STK10: variants seen among roughly 807,000 people sequenced by gnomAD.
STK10 encodes serine/threonine-protein kinase 10.
STK10 carries 78 observed loss-of-function variants against 113.8 expected under a neutral mutation model. The observed-to-expected ratio is 0.69, with a 90% CI of 0.57 to 0.83. The LOEUF (loss-of-function observed/expected upper bound fraction) is 0.83, where lower values mean the gene tolerates loss of function less well. Among genes scored for constraint, STK10 ranks in the 40% least tolerant of loss-of-function variants. The pLI is 0.00. For synonymous variants in STK10, 465 were observed against 494.7 expected (o/e 0.94, Z 0.80); for missense variants, 1,109 against 1,280.1 (o/e 0.87, Z 2.04).
At chr5:172,092,520 G>A (rs1187946489) in intron 9 of STK10, 3 of 152,166 alleles carry the variant, frequency 2.0e-5, no homozygotes, top group Non-Finnish European at 4.4e-5. Flanking sequence ...GTGCATGCTT[G>A]TCCCGGTGGC....
At position 172,137,322 on chromosome 5, in the gene STK10, G is replaced by A. The variant is rs915199363; in HGVS notation, c.322-9901C>T. ...CAAAGATACTCAACAAAATACTTGC[G>A]AATCATATTCAACTATTAAAAGAGA... On this transcript the variant is annotated intron_variant, in intron 2 of 18. Transcript: ENST00000176763. Among the ~76,000 whole-genome samples, 8 of 152,026 alleles carry A rather than the reference G, an allele frequency of 5.3e-5. No homozygotes were observed. The East Asian group carries it at 7.7e-4, about 15-fold the overall frequency.
At chr5:172,157,552 T>A (rs1770376704) in intron 1 of STK10, among the ~76,000 whole-genome samples, 1 of 151,944 alleles carries the variant, frequency 6.6e-6, no homozygotes, top group African/African-American at 2.4e-5. Context: ...TGAGACTCCA[T>A]CCCAAAAGAA....
At chr5:172,073,142 A>ATTAT (rs945303618) in intron 12 of STK10, among the ~76,000 whole-genome samples, 9 of 151,746 alleles carry the variant, frequency 5.9e-5, no homozygotes, top group Non-Finnish European at 8.8e-5. Context: ...CACCCAGCTA[A>ATTAT]TTATTTATTT....
chr5:172,110,402 C>T (rs1285806522), intron 4 of STK10, among the ~76,000 whole-genome samples: 1 of 151,702 alleles, frequency 6.6e-6, no homozygotes, highest in Non-Finnish European at 1.5e-5. Flanking sequence ...TCCTGCCTGA[C>T]ATGCCACATG....
chr5:172,099,666 C>T (rs1032221536), intron 7 of STK10, among the ~76,000 whole-genome samples: 2 of 152,150 alleles, frequency 1.3e-5, no homozygotes, highest in Non-Finnish European at 2.9e-5. Flanking sequence ...AGGTGAGAAC[C>T]AAGATCCCAA....
intron 1 of STK10, among the ~76,000 whole-genome samples, chr5:172,172,250 G>A (rs1581190262): frequency 6.6e-6 from 1 of 152,118 alleles, no homozygotes; most frequent in South Asian, 2.1e-4. Flanking sequence ...CTTCCCCAAC[G>A]TCATCTCCAA....
intron 1 of STK10, among the ~76,000 whole-genome samples, chr5:172,157,517 T>C (rs550337771): frequency 1.2e-4 from 19 of 152,072 alleles, no homozygotes; most frequent in African/African-American, 4.3e-4. Flanking sequence ...GACCACACCA[T>C]TGCACTCCAG....
At chr5:172,161,186 G>A (rs1004408281) in intron 1 of STK10, among the ~76,000 whole-genome samples, 3 of 152,094 alleles carry the variant, frequency 2.0e-5, no homozygotes, top group African/African-American at 4.8e-5. Context: ...GTGTGGTGGC[G>A]CACGCCTGTA....
At chr5:172,177,418 T>C (rs369374003) in intron 1 of STK10, among the ~76,000 whole-genome samples, 1 of 152,336 alleles carries the variant, frequency 6.6e-6, no homozygotes, top group South Asian at 2.1e-4. Flanking sequence ...CCCCAAATGC[T>C]ATTGCAGATC....
intron 2 of STK10, among the ~76,000 whole-genome samples, chr5:172,142,701 A>T (rs1242999183): frequency 6.6e-6 from 1 of 152,262 alleles, no homozygotes; most frequent in Non-Finnish European, 1.5e-5. Context: ...GTACATAGTA[A>T]GTCAATGCTT....
chr5:172,048,598 C>T (rs1433942497), intron 18 of STK10, among the ~76,000 whole-genome samples: 2 of 151,878 alleles, frequency 1.3e-5, no homozygotes, highest in African/African-American at 4.9e-5. Context: ...GACAAATTCC[C>T]CCAACCTCTG....
intron 6 of STK10, among the ~76,000 whole-genome samples, chr5:172,106,401 C>CAGAAAA (rs1475870342): frequency 0.17 from 9,295 of 53,498 alleles, 825 homozygotes; most frequent in East Asian, 0.32. Context: ...GACCCTATCT[C>CAGAAAA]AAAAAAAAAA....
At position 172,138,208 on chromosome 5, in the gene STK10, G is replaced by A. The variant is rs111399404; in HGVS notation, c.322-10787C>T. Among the ~76,000 whole-genome samples, 449 of 152,186 alleles carry A rather than the reference G, an allele frequency of 3.0e-3. 2 individuals are homozygous for A. Among genetic ancestry groups the A allele is most frequent in the African/African-American group, 8.4e-3 (349 of 41,536 alleles). On this transcript the variant is annotated intron_variant, in intron 2 of 18. Coordinates refer to ENST00000176763, the MANE Select transcript of STK10 (RefSeq NM_005990.4). ...ACAATCTTGGCTCACTGCAACTTCC[G>A]CCTCCCGGGTTCAAGCAATTCTCCT... is the stretch of plus-strand genomic sequence containing the variant.
intron 17 of STK10, among the ~76,000 whole-genome samples, chr5:172,054,218 G>A (rs1767695154): frequency 6.6e-6 from 1 of 152,154 alleles, no homozygotes; most frequent in Non-Finnish European, 1.5e-5. Flanking sequence ...AAGGGGCTCG[G>A]CCACACCCCA....
At chr5:172,054,833 G>T in intron 16 of STK10, 139 bp from the exon 17 acceptor site, 2 of 1,273,214 alleles carry the variant, frequency 1.6e-6, no homozygotes, top group Non-Finnish European at 2.2e-6. Context: ...ACCACCTCAG[G>T]CTGTGCCCGT....
At chr5:172,106,550 G>A (rs1769114609) in intron 6 of STK10, 70 bp downstream of exon 6, 4 of 1,482,610 alleles carry the variant, frequency 2.7e-6, no homozygotes, top group African/African-American at 2.8e-5. Context: ...CCCCAGCCCC[G>A]TCCACCACAT....
Position 172,156,753 on chromosome 5 carries a change from G to A in STK10, c.192C>T (p.Ala64=). 3.7e-6 allele frequency: 6 copies of A among 1,614,070 alleles called. No individual in the cohort carries two copies. Among genetic ancestry groups the A allele is most frequent in the Non-Finnish European group, 5.1e-6 (6 of 1,179,942 alleles). Residue 64 remains alanine (A), a synonymous_variant, in exon 2 of 19, where the codon GCC becomes GCT. Coordinates refer to ENST00000176763, the MANE Select transcript of STK10 (RefSeq NM_005990.4). ...CCTCACTCTTGGTTTCAATGACTTT[G>A]GCCGCAGCCAAAGCACCCGTCTCCT... ...KNKETGALAA[A]KVIETKSEEE...
intron 2 of STK10, among the ~76,000 whole-genome samples, chr5:172,141,201 T>C (rs1345253628): frequency 6.6e-6 from 1 of 151,008 alleles, no homozygotes; most frequent in Non-Finnish European, 1.5e-5. Context: ...GACAACGCTA[T>C]AGCTATGGTC....
At chr5:172,158,778 T>TA (rs1424647601) in intron 1 of STK10, among the ~76,000 whole-genome samples, 1 of 152,092 alleles carries the variant, frequency 6.6e-6, no homozygotes, top group African/African-American at 2.4e-5. Flanking sequence ...TAAAGTGAAA[T>TA]AAGCCAGACA....
Sources: gnomAD v4.1 joint callset for allele counts (sites outside exome capture counted in the v4.1 genomes callset) on GRCh38, gnomAD v4.1.1 for gene constraint, MANE v1.5 for transcripts, NCBI Gene and HGNC (gene_info 2026-07-23, HGNC 2026-07-21) for gene names.